The following RAP1GAP2 variants were observed in gnomAD, a reference collection of about 807,000 sequenced individuals.
RAP1GAP2 encodes rap1 GTPase-activating protein 2.
A neutral mutation model predicts 95.0 loss-of-function variants in RAP1GAP2; 27 were observed. The ratio of observed to expected loss-of-function variants is 0.28; its 90% CI spans 0.21 to 0.39. The LOEUF is 0.39. RAP1GAP2 is among the 10% of genes least tolerant of loss of function. RAP1GAP2 has a pLI of 1.00. For missense variants in RAP1GAP2, 771 were observed against 970.0 expected (o/e 0.79, Z 2.72); for synonymous variants, 373 against 380.9 (o/e 0.98, Z 0.24).
chr17:3,003,493 CTG>C lies in RAP1GAP2; in HGVS notation c.1201-1874_1201-1873del, dbSNP rs1432027341. 5.9e-5 allele frequency among the ~76,000 whole-genome samples: 9 copies of C among 152,144 alleles called. No homozygotes were observed. The highest frequency in any genetic ancestry group is 1.0e-4 in the Non-Finnish European group (7 of 68,040). On this transcript the variant is annotated intron_variant, in intron 14 of 24. Coordinates refer to ENST00000254695, the MANE Select transcript of RAP1GAP2 (RefSeq NM_015085.5). This position sits in a 1 kb window ranked among gnomAD's most constrained non-coding sequence, Gnocchi z 4.1. ...CTCCCCGTTTCCCGTCACGACTTGT[CTG>C]TTGCTCGGACGATGCTCTGTGTGCC...
At chr17:2,770,759 G>T (rs2068374688) in intron 2 of RAP1GAP2, among the ~76,000 whole-genome samples, 1 of 152,246 alleles carries the variant, frequency 6.6e-6, no homozygotes, top group South Asian at 2.1e-4. Flanking sequence ...CCTGGAGATT[G>T]GTCGGGCTCA....
Position 3,003,587 on chromosome 17 carries a change from A to G in RAP1GAP2, c.1201-1782A>G, listed in dbSNP as rs2046238877. ...ACGTTTGAAGCTTTCTGAGGTTCCCAGTGCATCCTCATGACCCACACCAAG... is the reference window on the plus strand; with the variant it reads ...ACGTTTGAAGCTTTCTGAGGTTCCCGGTGCATCCTCATGACCCACACCAAG... On this transcript the variant is annotated intron_variant, in intron 14 of 24. Transcript: ENST00000254695. The surrounding 1 kb of genome is among the most constrained non-coding windows in gnomAD (Gnocchi z 4.1). 6.6e-6 allele frequency among the ~76,000 whole-genome samples: 1 copy of G among 152,134 alleles called. No individual in the cohort carries two copies. The highest frequency in any genetic ancestry group is 2.4e-5 in the African/African-American group (1 of 41,424).
intron 2 of RAP1GAP2, among the ~76,000 whole-genome samples, chr17:2,858,722 G>C: frequency 6.6e-6 from 1 of 152,072 alleles, no homozygotes; most frequent in East Asian, 1.9e-4. Context: ...ACCAGCCTGG[G>C]CAATATAGTG....
intron 2 of RAP1GAP2, among the ~76,000 whole-genome samples, chr17:2,846,659 C>T (rs969877136): frequency 6.6e-6 from 1 of 151,864 alleles, no homozygotes; most frequent in African/African-American, 2.4e-5. Flanking sequence ...TGAATCCTTG[C>T]AGTAGCTAAT....
At chr17:2,926,237 C>T (rs965415634) in intron 3 of RAP1GAP2, among the ~76,000 whole-genome samples, 1 of 152,170 alleles carries the variant, frequency 6.6e-6, no homozygotes, top group Non-Finnish European at 1.5e-5. Context: ...GCAGGCCTCC[C>T]GGCCCATCGG....
rs1408426152 is a variant in RAP1GAP2, at chr17:2,889,889, A to ATATATATATTT, written c.81-15394_81-15393insATATATATTTT. ...TATATATATATATATATATATATAT[A>ATATATATATTT]TTTTTTTTTTTTTTTGTAGAGATGG... On this transcript the variant is annotated intron_variant, in intron 2 of 24. Coordinates refer to ENST00000254695, the MANE Select transcript of RAP1GAP2 (RefSeq NM_015085.5). Among the ~76,000 whole-genome samples the ATATATATATTT allele has an allele frequency of 6.6e-3, 379 of 57,142 alleles. 2 individuals carry two copies. The highest frequency in any genetic ancestry group is 9.5e-3 in the Non-Finnish European group (307 of 32,410). 37.5% of individuals were successfully genotyped at this position (57,142 alleles called of 152,430 possible).
chr17:2,781,770 CTGTG>C (rs1386400591), intron 1 of RAP1GAP2, among the ~76,000 whole-genome samples: 53 of 142,782 alleles, frequency 3.7e-4, no homozygotes, highest in Middle Eastern at 8.5e-3. Context: ...GTGTGCACGT[CTGTG>C]TGTGCACGTT....
chr17:2,988,539 A>G (rs1022714889), intron 11 of RAP1GAP2, among the ~76,000 whole-genome samples: 1 of 152,232 alleles, frequency 6.6e-6, no homozygotes, highest in Non-Finnish European at 1.5e-5. Flanking sequence ...TCTTGGGTGT[A>G]TCAATACTGT....
At chr17:2,833,990 G>A (rs141684398) in intron 2 of RAP1GAP2, among the ~76,000 whole-genome samples, 107 of 152,172 alleles carry the variant, frequency 7.0e-4, no homozygotes, top group Non-Finnish European at 1.3e-3. Flanking sequence ...TGTACCCTCC[G>A]CCCAGAGAAG....
At chr17:2,880,789 T>C (rs552862816) in intron 2 of RAP1GAP2, among the ~76,000 whole-genome samples, 1 of 152,282 alleles carries the variant, frequency 6.6e-6, no homozygotes, top group African/African-American at 2.4e-5. Context: ...GTATTTCCAT[T>C]GTACTTAGTG....
At chr17:2,776,179 A>T (rs946181685), upstream of RAP1GAP2, among the ~76,000 whole-genome samples, 1 of 152,292 alleles carries the variant, frequency 6.6e-6, no homozygotes, top group East Asian at 1.9e-4. Flanking sequence ...ACTCTGTCTC[A>T]TAAAAGTCCA....
intron 4 of RAP1GAP2, among the ~76,000 whole-genome samples, chr17:2,961,141 C>T (rs755418899): frequency 2.6e-5 from 4 of 151,294 alleles, no homozygotes; most frequent in Non-Finnish European, 4.4e-5. Context: ...CACTTGAACG[C>T]GGGAGGTGGA....
chr17:3,026,535 C>T lies in RAP1GAP2; in HGVS notation c.1980+71C>T, dbSNP rs372193238. On this transcript the variant is annotated intron_variant, in intron 21 of 24. Coordinates refer to ENST00000254695, the MANE Select transcript of RAP1GAP2 (RefSeq NM_015085.5). Reference sequence around the variant, plus strand: ...GCCAGCCACCCTCCTTGCATTAAAACGGCACTGTGGATCGAAGCCCATGTC... The same window carrying T: ...GCCAGCCACCCTCCTTGCATTAAAATGGCACTGTGGATCGAAGCCCATGTC... 8.9e-5 allele frequency: 109 copies of T among 1,222,568 alleles called. 2 individuals are homozygous for T. The Middle Eastern group carries it at 6.0e-3, about 68-fold the overall frequency. The allele number at this position is 1,222,568 out of a possible 1,614,324, so 75.7% of individuals were successfully genotyped here. A position where few individuals can be genotyped will look rare whatever the true frequency, so the allele number is the denominator to read the frequency against.
intron 8 of RAP1GAP2, among the ~76,000 whole-genome samples, chr17:2,980,026 C>T (rs7503461): frequency 0.28 from 42,085 of 151,516 alleles, 6,497 homozygotes; most frequent in South Asian, 0.49. Flanking sequence ...CTGCAACCTC[C>T]GTCTCCCGGG....
intron 14 of RAP1GAP2, among the ~76,000 whole-genome samples, chr17:3,000,141 G>A (rs1407646986): frequency 6.6e-6 from 1 of 152,266 alleles, no homozygotes; most frequent in East Asian, 1.9e-4. Flanking sequence ...TAGAGACGGG[G>A]TTTCTCCATG....
At chr17:2,980,228 T>TCCCCGCGCCCTCACTG in intron 8 of RAP1GAP2, 59 bp from the exon 9 acceptor site, 1 of 1,545,934 alleles carries the variant, frequency 6.5e-7, no homozygotes, top group Non-Finnish European at 8.9e-7. Context: ...CAGGCACGAG[T>TCCCCGCGCCCTCACTG]CCCCGCGCCC....
chr17:3,023,175 T>A (rs1023720095), intron 19 of RAP1GAP2, among the ~76,000 whole-genome samples: 1 of 152,244 alleles, frequency 6.6e-6, no homozygotes, highest in Admixed American at 6.5e-5. Flanking sequence ...TGATAATATT[T>A]TGTTGAGGAT....
At chr17:3,024,812 A>G (rs534247485) in intron 19 of RAP1GAP2, among the ~76,000 whole-genome samples, 17 of 152,398 alleles carry the variant, frequency 1.1e-4, no homozygotes, top group African/African-American at 2.2e-4. Flanking sequence ...CAAAAAGACC[A>G]TAACATATTA....
intron 3 of RAP1GAP2, among the ~76,000 whole-genome samples, chr17:2,916,083 C>A (rs1300632788): frequency 6.6e-6 from 1 of 152,150 alleles, no homozygotes; most frequent in Non-Finnish European, 1.5e-5. Flanking sequence ...GGTCTAGGTT[C>A]ATTTATTGCC....
Sources: allele counts gnomAD v4.1 joint callset (sites outside exome capture counted in the v4.1 genomes callset), GRCh38; gene constraint gnomAD v4.1.1; non-coding constraint Gnocchi (gnomAD v3.1); transcripts MANE v1.5; gene names NCBI Gene and HGNC (gene_info 2026-07-23, HGNC 2026-07-21).